The following SNCAIP variants were observed in gnomAD, a reference collection of about 807,000 sequenced individuals.
SNCAIP encodes the protein synphilin-1.
SNCAIP carries 43 observed loss-of-function variants against 86.7 expected under a neutral mutation model. That is an observed-to-expected ratio of 0.50 (90% CI 0.39 to 0.64). The LOEUF (loss-of-function observed/expected upper bound fraction) is 0.64. Among genes scored for constraint, SNCAIP ranks in the 30% least tolerant of loss-of-function variants. The probability of loss-of-function intolerance (pLI) is 0.00; values close to 1 mark genes in which losing one functional copy is unlikely to be tolerated. For synonymous variants in SNCAIP, 417 were observed against 427.2 expected (o/e 0.98, Z 0.29); for missense variants, 981 against 1,103.1 (o/e 0.89, Z 1.57).
At chr5:122,437,586 C>G (rs1362062010) in intron 6 of SNCAIP, among the ~76,000 whole-genome samples, 1 of 152,140 alleles carries the variant, frequency 6.6e-6, no homozygotes, top group African/African-American at 2.4e-5. Flanking sequence ...ACATAAAACC[C>G]AAGACTGGAT....
At chr5:122,428,540 T>A (rs1188115628) in intron 5 of SNCAIP, among the ~76,000 whole-genome samples, 1 of 151,898 alleles carries the variant, frequency 6.6e-6, no homozygotes, top group Admixed American at 6.6e-5. Context: ...ATAGACCAAA[T>A]GTTAGGCTAT....
chr5:122,407,464 T>C (rs953825577), intron 3 of SNCAIP, among the ~76,000 whole-genome samples: 5 of 152,330 alleles, frequency 3.3e-5, no homozygotes, highest in Non-Finnish European at 5.9e-5. Context: ...TTATGCTTAG[T>C]GCAGTGAAGA....
chr5:122,423,587 C>T lies in SNCAIP; in HGVS notation c.850C>T (p.His284Tyr), dbSNP rs762591125. The change falls in exon 4 of 11, where the codon CAC (histidine) becomes TAC (tyrosine). Residue 284 changes from histidine to tyrosine, a missense_variant. By Grantham distance (83) the His-to-Tyr change is moderately conservative. Coordinates refer to ENST00000261368, the MANE Select transcript of SNCAIP (RefSeq NM_005460.4). The stretch of plus-strand genomic sequence containing the variant: ...ACCAGACTGCCAGCTCAGGGCCTTC[C>T]ACCTACAATCCTCAGCAGCAGAATC... ...TTPDCQLRAF[H>Y]LQSSAAESKP... 6.2e-7 allele frequency: 1 copy of T among 1,614,114 alleles called. No homozygotes were observed. Among genetic ancestry groups the T allele is most frequent in the South Asian group, 1.1e-5 (1 of 91,082 alleles).
At chr5:122,411,418 G>A (rs1352968854) in intron 3 of SNCAIP, among the ~76,000 whole-genome samples, 1 of 152,104 alleles carries the variant, frequency 6.6e-6, no homozygotes, top group Non-Finnish European at 1.5e-5. Context: ...TAGTTTAGGA[G>A]CTTCTGTTAT....
intron 1 of SNCAIP, among the ~76,000 whole-genome samples, chr5:122,374,551 T>C (rs1764901224): frequency 6.6e-6 from 1 of 152,164 alleles, no homozygotes; most frequent in Admixed American, 6.6e-5. Flanking sequence ...AGAGTTTTCA[T>C]AGCGCTCATC....
At chr5:122,445,738 AAACCTTGGTTTTTTTCACCC>A (rs1782157643) in intron 8 of SNCAIP, among the ~76,000 whole-genome samples, 1 of 150,502 alleles carries the variant, frequency 6.6e-6, no homozygotes, top group Non-Finnish European at 1.5e-5. Context: ...AAAAAGAAAA[AAACCTTGGTTTTTTTCACCC>A]AACCTTGGTT....
chr5:122,341,376 G>A (rs942557460), intron 1 of SNCAIP, among the ~76,000 whole-genome samples: 17 of 152,108 alleles, frequency 1.1e-4, no homozygotes, highest in Non-Finnish European at 2.2e-4. Context: ...CATAAAAATC[G>A]GAAGTGCACA....
At chr5:122,363,623 A>G (rs2152773063) in intron 1 of SNCAIP, among the ~76,000 whole-genome samples, 1 of 152,080 alleles carries the variant, frequency 6.6e-6, no homozygotes, top group African/African-American at 2.4e-5. Flanking sequence ...AGGATAAAGT[A>G]GGAAAACTAA....
At position 122,376,497 on chromosome 5, in the gene SNCAIP, G is replaced by C. The variant is rs575123934; in HGVS notation, c.-46-14592G>C. Among the ~76,000 whole-genome samples, 5 of 152,176 alleles carry C rather than the reference G, an allele frequency of 3.3e-5. No individual in the cohort carries two copies. In the East Asian group the frequency reaches 9.7e-4, roughly 29 times the overall value. Reference sequence around the variant, plus strand: ...TGCAAGACATGATTGGTTGGCTTAAGCCCATGCTCAACTTCCCAGTGCTTG... The same window carrying C: ...TGCAAGACATGATTGGTTGGCTTAACCCCATGCTCAACTTCCCAGTGCTTG... On this transcript the variant is annotated intron_variant, in intron 1 of 10. Coordinates refer to ENST00000261368, the MANE Select transcript of SNCAIP (RefSeq NM_005460.4).
At chr5:122,399,045 C>T (rs1164005056) in intron 2 of SNCAIP, among the ~76,000 whole-genome samples, 1 of 152,092 alleles carries the variant, frequency 6.6e-6, no homozygotes, top group African/African-American at 2.4e-5. Flanking sequence ...GAGGAAAGAA[C>T]AAAGAAAAGC....
chr5:122,327,762 T>C (rs952302213), intron 1 of SNCAIP, among the ~76,000 whole-genome samples: 4 of 152,234 alleles, frequency 2.6e-5, no homozygotes, highest in Admixed American at 1.3e-4. Context: ...AACGGACTTA[T>C]ATAGGTACAT....
chr5:122,321,789 T>C (rs774563927), intron 1 of SNCAIP: 2 of 152,096 alleles, frequency 1.3e-5, no homozygotes, highest in Non-Finnish European at 2.9e-5. Context: ...TGGAGTCAGA[T>C]TGAATGGACA....
intron 1 of SNCAIP, among the ~76,000 whole-genome samples, chr5:122,390,280 TTCTGCTCTTGACATCTG>T (rs1769070854): frequency 6.6e-6 from 1 of 152,170 alleles, no homozygotes; most frequent in Non-Finnish European, 1.5e-5. Flanking sequence ...AGATCTATAT[TTCTGCTCTTGACATCTG>T]TAGGTGCCTC....
Position 122,444,655 on chromosome 5 carries a change from C to T in SNCAIP, c.1515C>T (p.Cys505=). Residue 505 remains cysteine (C), a synonymous_variant, in exon 8 of 11, where the codon TGC becomes TGT. Coordinates refer to ENST00000261368, the MANE Select transcript of SNCAIP (RefSeq NM_005460.4). Reference sequence around the variant, plus strand: ...CCGAGCGGCAGGGGCACACCCTGTGCTCCAGGTACCTGGTGGTGGTGGAGA... The same window carrying T: ...CCGAGCGGCAGGGGCACACCCTGTGTTCCAGGTACCTGGTGGTGGTGGAGA... ...QSAERQGHTL[C]SRYLVVVETC... The T allele has an allele frequency of 6.2e-7, 1 of 1,614,040 alleles. No homozygotes were observed. The highest frequency in any genetic ancestry group is 8.5e-7 in the Non-Finnish European group (1 of 1,179,904).
rs372103166 is a variant in SNCAIP, at chr5:122,330,315, G to A, written c.-47+18031G>A. 7.4e-3 allele frequency among the ~76,000 whole-genome samples: 1,119 copies of A among 151,812 alleles called. 10 individuals carry two copies. The highest frequency in any genetic ancestry group is 0.025 in the African/African-American group (1,050 of 41,380). Reference sequence around the variant, plus strand: ...TTTTTGTATTTTTAGTAGAGACGGGGTTTCACCGTTTTAGCCGGGATGGTC... The same window carrying A: ...TTTTTGTATTTTTAGTAGAGACGGGATTTCACCGTTTTAGCCGGGATGGTC... On this transcript the variant is annotated intron_variant, in intron 1 of 10. Transcript: ENST00000261368.
chr5:122,364,741 T>G (rs1762821025), intron 1 of SNCAIP, among the ~76,000 whole-genome samples: 1 of 152,200 alleles, frequency 6.6e-6, no homozygotes, highest in Non-Finnish European at 1.5e-5. Context: ...TTATTTCTTT[T>G]TTTTATATTT....
At chr5:122,333,711 C>G (rs1755840215) in intron 1 of SNCAIP, among the ~76,000 whole-genome samples, 1 of 152,186 alleles carries the variant, frequency 6.6e-6, no homozygotes, top group Admixed American at 6.5e-5. Flanking sequence ...TATCTCTCTG[C>G]CAAATTAAGT....
chr5:122,463,325 A>C (rs1047307111), intron 10 of SNCAIP, among the ~76,000 whole-genome samples, 166 bp from the exon 11 acceptor site: 3 of 152,216 alleles, frequency 2.0e-5, no homozygotes, highest in Non-Finnish European at 4.4e-5. Flanking sequence ...TTGTTTAAAG[A>C]GTAGTTTACA....
At chr5:122,324,822 A>G (rs1050230931) in intron 1 of SNCAIP, among the ~76,000 whole-genome samples, 2 of 152,238 alleles carry the variant, frequency 1.3e-5, no homozygotes, top group African/African-American at 4.8e-5. Flanking sequence ...CTTTGACAAT[A>G]ATGAGATGGA....
Sources: gnomAD v4.1 joint callset for allele counts (sites outside exome capture counted in the v4.1 genomes callset) on GRCh38, gnomAD v4.1.1 for gene constraint, MANE v1.5 for transcripts, NCBI Gene and HGNC (gene_info 2026-07-23, HGNC 2026-07-21) for gene names.